Variants in UVRAG observed in about 807,000 individuals in gnomAD.
UVRAG encodes the protein UV radiation resistance associated, also known as UV radiation resistance-associated gene protein.
UVRAG carries 19 observed loss-of-function variants against 78.0 expected under a neutral mutation model. The observed-to-expected ratio is 0.24, with a 90% confidence interval of 0.17 to 0.36. The LOEUF (loss-of-function observed/expected upper bound fraction) is 0.36, where lower values mean the gene tolerates loss of function less well. Ranked by LOEUF, UVRAG falls within the 10% of genes least tolerant of loss-of-function variation. UVRAG has a pLI of 1.00. For missense variants in UVRAG, 740 were observed against 853.8 expected, an observed-to-expected ratio of 0.87 and a Z score of 1.66; for synonymous variants, 323 against 324.6, an observed-to-expected ratio of 1.00 and a Z score of 0.05.
At chr11:75,898,693 A>G (rs1025219823) in intron 5 of UVRAG, among the ~76,000 whole-genome samples, 20 of 152,216 alleles carry the variant, frequency 1.3e-4, no homozygotes, top group African/African-American at 4.8e-4. Context: ...TTCTTCCATC[A>G]TTTAATTTCA....
intron 14 of UVRAG, among the ~76,000 whole-genome samples, chr11:76,135,808 G>A (rs978103140): frequency 4.6e-5 from 7 of 152,246 alleles, no homozygotes; most frequent in South Asian, 2.1e-4. Flanking sequence ...TAGTGCCTCC[G>A]AACACACGGG....
At chr11:75,971,351 G>A (rs746761741) in intron 7 of UVRAG, among the ~76,000 whole-genome samples, 2 of 152,160 alleles carry the variant, frequency 1.3e-5, no homozygotes, top group Non-Finnish European at 2.9e-5. Context: ...CAGTATCCAG[G>A]TTAATATATA....
At chr11:75,860,149 T>G (rs539118631) in intron 2 of UVRAG, among the ~76,000 whole-genome samples, 1 of 152,286 alleles carries the variant, frequency 6.6e-6, no homozygotes, top group East Asian at 1.9e-4. Context: ...TTCACCATGT[T>G]GGCCAGACTG....
At chr11:76,100,627 G>A (rs1422719527) in intron 13 of UVRAG, among the ~76,000 whole-genome samples, 6 of 152,074 alleles carry the variant, frequency 3.9e-5, no homozygotes, top group African/African-American at 1.2e-4. Flanking sequence ...AAGAAAAAAC[G>A]TTTAGGGGTA....
chr11:75,980,868 A>T (rs1481897225), intron 7 of UVRAG, among the ~76,000 whole-genome samples: 1 of 151,672 alleles, frequency 6.6e-6, no homozygotes, highest in Admixed American at 6.6e-5. Context: ...TTTAGTAGAG[A>T]TGAGGTTTTG....
intron 6 of UVRAG, among the ~76,000 whole-genome samples, chr11:75,929,832 C>T (rs1424031001): frequency 6.6e-6 from 1 of 152,038 alleles, no homozygotes; most frequent in African/African-American, 2.4e-5. Flanking sequence ...GAAGATAACA[C>T]CTGGGTACCA....
intron 6 of UVRAG, among the ~76,000 whole-genome samples, chr11:75,949,884 A>G (rs1055099830): frequency 6.6e-6 from 1 of 151,914 alleles, no homozygotes; most frequent in Non-Finnish European, 1.5e-5. Context: ...ATTATCCAGA[A>G]TGTTCCCTCA....
At chr11:76,037,902 G>A (rs1266518987) in intron 12 of UVRAG, among the ~76,000 whole-genome samples, 3 of 151,854 alleles carry the variant, frequency 2.0e-5, no homozygotes, top group African/African-American at 7.3e-5. Context: ...ATATATAGTC[G>A]GCCCTCTCAA....
At chr11:75,985,699 T>C (rs1160487402) in intron 8 of UVRAG, among the ~76,000 whole-genome samples, 1 of 152,200 alleles carries the variant, frequency 6.6e-6, no homozygotes, top group Non-Finnish European at 1.5e-5. Context: ...CTGGAATTAC[T>C]TTTTGTATGT....
intron 1 of UVRAG, among the ~76,000 whole-genome samples, chr11:75,821,941 GTTT>G (rs757078463): frequency 6.3e-4 from 75 of 118,536 alleles, no homozygotes; most frequent in African/African-American, 2.0e-3. Context: ...ATTTATCACT[GTTT>G]TTTTTTTTTT....
intron 3 of UVRAG, among the ~76,000 whole-genome samples, chr11:75,875,993 G>A (rs1946768227): frequency 6.6e-6 from 1 of 151,918 alleles, no homozygotes; most frequent in East Asian, 1.9e-4. Context: ...GGGCAACATG[G>A]TGAGACCCTG....
chr11:75,986,360 G>A (rs1949501196), intron 8 of UVRAG, among the ~76,000 whole-genome samples: 2 of 152,048 alleles, frequency 1.3e-5, no homozygotes, highest in East Asian at 1.9e-4. Context: ...GTATATAGAT[G>A]TACAATTAAT....
chr11:75,918,251 C>T (rs1158049955), intron 6 of UVRAG, among the ~76,000 whole-genome samples: 1 of 150,102 alleles, frequency 6.7e-6, no homozygotes, highest in South Asian at 2.1e-4. Context: ...TGGTAGCGGG[C>T]GCCTGTAGTC....
chr11:76,123,994 G>T (rs1329119643), intron 14 of UVRAG, among the ~76,000 whole-genome samples: 2 of 152,134 alleles, frequency 1.3e-5, no homozygotes, highest in Non-Finnish European at 2.9e-5. Context: ...TCGAACTCCT[G>T]ACCTCGTGAT....
chr11:75,896,881 T>C lies in UVRAG; in HGVS notation c.507+7978T>C, dbSNP rs115788249. On this transcript the variant is annotated intron_variant, in intron 5 of 14. Transcript: ENST00000356136. ...TGCAAAAGCATTAGACCAGTTGTTA[T>C]AAGGCTGGAGTGAAATTACTTATAG... Among the ~76,000 whole-genome samples, 762 of 152,348 alleles carry C rather than the reference T, an allele frequency of 5.0e-3. 7 individuals are homozygous for C. The highest frequency in any genetic ancestry group is 0.017 in the African/African-American group (717 of 41,572).
At chr11:76,111,841 A>G (rs541425167) in intron 13 of UVRAG, among the ~76,000 whole-genome samples, 19 of 152,102 alleles carry the variant, frequency 1.2e-4, no homozygotes, top group Non-Finnish European at 2.5e-4. Flanking sequence ...AGAGTCTCAC[A>G]GTCTCACCTG....
At chr11:75,937,383 G>A (rs944502917) in intron 6 of UVRAG, among the ~76,000 whole-genome samples, 3 of 152,032 alleles carry the variant, frequency 2.0e-5, no homozygotes, top group African/African-American at 4.8e-5. Context: ...ATTTTCGTCT[G>A]GTATCATTTT....
intron 12 of UVRAG, among the ~76,000 whole-genome samples, chr11:76,055,876 A>T (rs1305162948): frequency 1.8e-4 from 27 of 151,958 alleles, no homozygotes. Flanking sequence ...CACCTGGCTA[A>T]TTTTTTGTAT....
intron 13 of UVRAG, among the ~76,000 whole-genome samples, chr11:76,100,034 T>C (rs1487544002): frequency 6.6e-6 from 1 of 152,158 alleles, no homozygotes; most frequent in Non-Finnish European, 1.5e-5. Context: ...TGAAATGGAT[T>C]ATTATATATA....
Sources: allele counts gnomAD v4.1 joint callset (sites outside exome capture counted in the v4.1 genomes callset), GRCh38; gene constraint gnomAD v4.1.1; transcripts MANE v1.5; gene names NCBI Gene and HGNC (gene_info 2026-07-23, HGNC 2026-07-21).